The following CDH8 variants were observed in gnomAD, a reference collection of about 807,000 sequenced individuals.
CDH8 encodes cadherin 8.
In CDH8, 17 loss-of-function variants were observed where a neutral mutation model predicts 68.1. That is an observed-to-expected ratio of 0.25 (90% CI 0.17 to 0.37). CDH8 has a LOEUF of 0.37. Among genes scored for constraint, CDH8 ranks in the 10% least tolerant of loss-of-function variants. The pLI is 1.00. For synonymous variants in CDH8, 372 were observed against 365.1 expected, an observed-to-expected ratio of 1.02 and a Z score of -0.21; for missense variants, 763 against 999.3, an observed-to-expected ratio of 0.76 and a Z score of 3.19.
intron 7 of CDH8, among the ~76,000 whole-genome samples, chr16:61,816,588 G>A (rs1962079977): frequency 6.6e-6 from 1 of 152,056 alleles, no homozygotes; most frequent in Non-Finnish European, 1.5e-5. Flanking sequence ...ACAAATATTT[G>A]TAAGACAATA....
At position 61,977,505 on chromosome 16, in the gene CDH8, A is replaced by G. The variant is rs183766272; in HGVS notation, c.252+43647T>C. ...CTGTCAATATGATAAATTCTTATCT[A>G]TAAAAGTGTGAGTCTGAGGTTAAGG... On this transcript the variant is annotated intron_variant, in intron 2 of 11. Transcript: ENST00000577390. Among the ~76,000 whole-genome samples, 720 of 152,282 alleles carry G rather than the reference A, an allele frequency of 4.7e-3. 9 individuals are homozygous for G. The highest frequency in any genetic ancestry group is 6.4e-3 in the Non-Finnish European group (437 of 68,000).
intron 10 of CDH8, among the ~76,000 whole-genome samples, chr16:61,664,267 T>C (rs1963624884): frequency 6.6e-6 from 1 of 152,082 alleles, no homozygotes; most frequent in Non-Finnish European, 1.5e-5. Context: ...TTACATGATG[T>C]TACAAAAATC....
intron 2 of CDH8, among the ~76,000 whole-genome samples, chr16:61,954,473 G>C (rs998409075): frequency 2.6e-5 from 4 of 151,952 alleles, no homozygotes; most frequent in Non-Finnish European, 5.9e-5. Flanking sequence ...AGGCCGAGGC[G>C]GGTGGATCAC....
chr16:61,850,267 C>T (rs1465304941), intron 4 of CDH8, among the ~76,000 whole-genome samples: 17 of 151,892 alleles, frequency 1.1e-4, no homozygotes, highest in Admixed American at 1.1e-3. Context: ...GTGCCAGGCT[C>T]CCTTAAACAA....
intron 7 of CDH8, among the ~76,000 whole-genome samples, chr16:61,807,493 A>C (rs1351789786): frequency 6.6e-6 from 1 of 151,710 alleles, no homozygotes; most frequent in Non-Finnish European, 1.5e-5. Flanking sequence ...AACAAAAAAC[A>C]AAAAACAAAA....
intron 2 of CDH8, among the ~76,000 whole-genome samples, chr16:61,907,766 C>T (rs1296587531): frequency 6.6e-6 from 1 of 151,956 alleles, no homozygotes; most frequent in Admixed American, 6.6e-5. Context: ...TAACAGGGGC[C>T]AGACACGGTG....
At chr16:61,858,272 T>C (rs1963086665) in intron 3 of CDH8, among the ~76,000 whole-genome samples, 1 of 152,150 alleles carries the variant, frequency 6.6e-6, no homozygotes, top group African/African-American at 2.4e-5. Flanking sequence ...GAGGTTGCCT[T>C]TGAGTTAAAT....
At chr16:61,824,242 T>C (rs1330442129) in intron 5 of CDH8, among the ~76,000 whole-genome samples, 4 of 151,766 alleles carry the variant, frequency 2.6e-5, no homozygotes, top group Non-Finnish European at 4.4e-5. Context: ...TAATAATAAG[T>C]ATGTAGACAC....
intron 6 of CDH8, among the ~76,000 whole-genome samples, chr16:61,820,305 G>A (rs973792162): frequency 9.6e-5 from 13 of 134,978 alleles, no homozygotes; most frequent in Admixed American, 9.1e-4. Flanking sequence ...TGAATGTTCT[G>A]CCTGTTTGGT....
chr16:61,658,534 C>T (rs553894734), intron 10 of CDH8, among the ~76,000 whole-genome samples: 59 of 151,986 alleles, frequency 3.9e-4, no homozygotes, highest in Non-Finnish European at 7.4e-4. Flanking sequence ...TCATTTCTCA[C>T]AAATGAAATT....
At chr16:61,710,659 A>C (rs1444978065) in intron 10 of CDH8, 1 of 151,928 alleles carries the variant, frequency 6.6e-6, no homozygotes, top group African/African-American at 2.4e-5. Flanking sequence ...ATTTTCTCTC[A>C]TTTCTTTACA....
intron 2 of CDH8, among the ~76,000 whole-genome samples, chr16:61,965,518 A>G (rs1567548841): frequency 6.6e-6 from 1 of 152,180 alleles, no homozygotes; most frequent in Non-Finnish European, 1.5e-5. Context: ...GTATTTAACA[A>G]CCCAACTTTC....
intron 6 of CDH8, among the ~76,000 whole-genome samples, chr16:61,820,544 T>C (rs1962189685): frequency 6.6e-6 from 1 of 151,942 alleles, no homozygotes; most frequent in African/African-American, 2.4e-5. Flanking sequence ...TGACTCAGAA[T>C]AGTTTCTTCA....
chr16:61,999,914 T>G (rs1965868235), intron 2 of CDH8, among the ~76,000 whole-genome samples: 1 of 152,100 alleles, frequency 6.6e-6, no homozygotes, highest in Non-Finnish European at 1.5e-5. Flanking sequence ...ATCTAGGTTT[T>G]AAGCCCCGCA....
At chr16:61,699,188 T>G (rs977519911) in intron 10 of CDH8, among the ~76,000 whole-genome samples, 11 of 152,172 alleles carry the variant, frequency 7.2e-5, no homozygotes, top group Non-Finnish European at 4.4e-5. Flanking sequence ...TCATCGCCCT[T>G]CTGAGAAGAA....
intron 8 of CDH8, among the ~76,000 whole-genome samples, chr16:61,738,452 A>C (rs1959766820): frequency 6.6e-6 from 1 of 152,196 alleles, no homozygotes; most frequent in South Asian, 2.1e-4. Flanking sequence ...TGACATCTTG[A>C]AAACCAGGGT....
At chr16:61,971,691 C>G (rs1355010776) in intron 2 of CDH8, among the ~76,000 whole-genome samples, 1 of 152,146 alleles carries the variant, frequency 6.6e-6, no homozygotes, top group Non-Finnish European at 1.5e-5. Context: ...TCTTCCCTCC[C>G]TGGAGTTTGG....
chr16:61,904,260 T>C (rs1964027959), intron 2 of CDH8, among the ~76,000 whole-genome samples: 2 of 152,206 alleles, frequency 1.3e-5, no homozygotes, highest in South Asian at 4.1e-4. Flanking sequence ...AAGTACAGAA[T>C]ACATGGTTAC....
At chr16:61,684,741 G>A (rs1964076328) in intron 10 of CDH8, among the ~76,000 whole-genome samples, 1 of 151,964 alleles carries the variant, frequency 6.6e-6, no homozygotes, top group African/African-American at 2.4e-5. Context: ...GCTGGGTTAA[G>A]CTAATGGGAA....
Sources: allele counts gnomAD v4.1 joint callset (sites outside exome capture counted in the v4.1 genomes callset), GRCh38; gene constraint gnomAD v4.1.1; transcripts MANE v1.5; gene names NCBI Gene and HGNC (gene_info 2026-07-23, HGNC 2026-07-21).